Variants in RXFP2 observed in about 807,000 individuals in gnomAD.
RXFP2 encodes relaxin receptor 2.
A neutral mutation model predicts 88.6 loss-of-function variants in RXFP2; 68 were observed. That is an observed-to-expected ratio of 0.77 (90% CI 0.63 to 0.94). The LOEUF (loss-of-function observed/expected upper bound fraction) is 0.94. Among genes scored for constraint, RXFP2 ranks in the 40% least tolerant of loss-of-function variants. The pLI, the probability that RXFP2 is intolerant of heterozygous loss-of-function variation, is 0.00. For missense variants in RXFP2, 791 were observed against 893.9 expected, an observed-to-expected ratio of 0.88 and a Z score of 1.47; for synonymous variants, 329 against 306.8, an observed-to-expected ratio of 1.07 and a Z score of -0.76.
intron 2 of RXFP2, 69 bp downstream of exon 2, chr13:31,758,473 G>T: frequency 2.0e-6 from 3 of 1,535,500 alleles, no homozygotes; most frequent in Non-Finnish European, 9.0e-7. Context: ...GGGTCGGTTG[G>T]ATAATGATTG....
At position 31,781,731 on chromosome 13, in the gene RXFP2, G is replaced by T. The variant is rs761476587; in HGVS notation, c.846G>T (p.Ser282=). 1.4e-5 allele frequency: 22 copies of T among 1,608,392 alleles called. No homozygotes were observed. The South Asian group carries it at 2.0e-4, about 14-fold the overall frequency. ...LTNSTFLSCD[S]LTVLFLPRNQ... is the part of the protein sequence containing the mutation. ...ATTCTACGTTTCTGTCGTGCGATTC[G>T]CTCACAGTGCTGTAAGTATACAATG... is the stretch of plus-strand genomic sequence containing the variant. The change falls in exon 10 of 18, where the codon TCG becomes TCT. Residue 282 remains serine (S), a synonymous_variant. Coordinates refer to ENST00000298386, the MANE Select transcript of RXFP2 (RefSeq NM_130806.5).
chr13:31,785,550 C>T (rs1873495559), intron 11 of RXFP2, among the ~76,000 whole-genome samples: 2 of 151,200 alleles, frequency 1.3e-5, no homozygotes, highest in Admixed American at 6.6e-5. Context: ...TGATTGTTTC[C>T]TTGTTTGTAT....
intron 1 of RXFP2, among the ~76,000 whole-genome samples, chr13:31,742,612 G>C (rs1486507543): frequency 1.3e-5 from 2 of 152,136 alleles, no homozygotes; most frequent in Non-Finnish European, 2.9e-5. Context: ...TTACTCGTGT[G>C]TTCATCTTAC....
chr13:31,739,804 T>TA (rs139974858), intron 1 of RXFP2, 98 bp downstream of exon 1: 5,639 of 664,260 alleles, frequency 8.5e-3, no homozygotes, highest in Non-Finnish European at 9.3e-3. Context: ...TTGGGGTGTT[T>TA]AAAAAAAAAA....
chr13:31,799,226 A>T (rs1874209972), intron 17 of RXFP2, among the ~76,000 whole-genome samples: 1 of 151,902 alleles, frequency 6.6e-6, no homozygotes, highest in Non-Finnish European at 1.5e-5. Flanking sequence ...CTTCAAAAAA[A>T]AAAAAAATGG....
chr13:31,786,401 G>T lies in RXFP2; in HGVS notation c.948G>T (p.Thr316=). Residue 316 remains threonine (T), a synonymous_variant, in exon 12 of 18, where the codon ACG becomes ACT. Coordinates refer to ENST00000298386, the MANE Select transcript of RXFP2 (RefSeq NM_130806.5). The part of the protein sequence containing the change: ...NLGELDLSSN[T]ITELSPHLFK... Reference sequence around the variant, plus strand: ...TCAACAGGGATCTGTCTAGCAATACGATAACGGAACTATCACCTCACCTTT... The same window carrying T: ...TCAACAGGGATCTGTCTAGCAATACTATAACGGAACTATCACCTCACCTTT... 6.2e-7 allele frequency: 1 copy of T among 1,607,606 alleles called. No homozygotes were observed. Among genetic ancestry groups the T allele is most frequent in the Non-Finnish European group, 8.5e-7 (1 of 1,174,126 alleles).
At chr13:31,794,745 G>C (rs1457843232) in intron 16 of RXFP2, among the ~76,000 whole-genome samples, 1 of 152,164 alleles carries the variant, frequency 6.6e-6, no homozygotes, top group Non-Finnish European at 1.5e-5. Flanking sequence ...GGAAGACATA[G>C]TGGATTCCCA....
chr13:31,797,322 T>G lies in RXFP2; in HGVS notation c.1908T>G (p.Val636=). The G allele has an allele frequency of 6.2e-7, 1 of 1,614,140 alleles. No homozygotes were observed. The highest frequency in any genetic ancestry group is 8.5e-7 in the Non-Finnish European group (1 of 1,179,992). Residue 636 remains valine (V), a synonymous_variant, in exon 17 of 18, where the codon GTT becomes GTG. Coordinates refer to ENST00000298386, the MANE Select transcript of RXFP2 (RefSeq NM_130806.5). ...ATTGTTTTGGAAGAGAGGTGGCTGTTGCAAATCGTTTCTTTTTTATAGTGT... is the reference window on the plus strand; with the variant it reads ...ATTGTTTTGGAAGAGAGGTGGCTGTGGCAAATCGTTTCTTTTTTATAGTGT... ...VRNCFGREVA[V]ANRFFFIVFS... is the part of the protein sequence containing the mutation.
intron 11 of RXFP2, 150 bp from the exon 12 acceptor site, chr13:31,786,233 T>C: frequency 1.4e-6 from 1 of 709,058 alleles, no homozygotes; most frequent in South Asian, 1.5e-5. Context: ...GGCTGACTCA[T>C]ACGGCCCTGT....
chr13:31,794,348 G>C (rs1156692718), intron 16 of RXFP2, among the ~76,000 whole-genome samples: 2 of 144,390 alleles, frequency 1.4e-5, no homozygotes, highest in African/African-American at 5.2e-5. Context: ...ACTTAATAGA[G>C]ACTCTCCCTG....
At chr13:31,782,613 C>A in intron 10 of RXFP2, 63 bp from the exon 11 acceptor site, 1 of 1,204,390 alleles carries the variant, frequency 8.3e-7, no homozygotes, top group Non-Finnish European at 1.2e-6. Context: ...TGGCCTCTCC[C>A]AATGAGAACT....
chr13:31,744,402 C>T (rs1337343467), intron 1 of RXFP2, among the ~76,000 whole-genome samples: 1 of 152,054 alleles, frequency 6.6e-6, no homozygotes, highest in Non-Finnish European at 1.5e-5. Flanking sequence ...GGAACTTTGC[C>T]CCAGGTCAGT....
rs9549192 is a variant in RXFP2 at position 31,802,991 on chromosome 13, G to C, written c.*586G>C. On this transcript the variant is annotated 3_prime_UTR_variant, in exon 18 of 18. Coordinates refer to ENST00000298386, the MANE Select transcript of RXFP2 (RefSeq NM_130806.5). ...ACCATGTCTAACCTATGACCAGAGA[G>C]TCACACTGATGAAGCCTCATACCAT... 0.14 allele frequency: 22,116 copies of C among 154,184 alleles called. 1,574 individuals carry two copies. The highest frequency in any genetic ancestry group is 0.19 in the Middle Eastern group (57 of 296). 9.6% of individuals were successfully genotyped at this position (154,184 alleles called of 1,614,324 possible).
intron 1 of RXFP2, among the ~76,000 whole-genome samples, chr13:31,750,463 A>G (rs921346471): frequency 2.0e-5 from 3 of 152,174 alleles, no homozygotes; most frequent in Non-Finnish European, 4.4e-5. Context: ...AAACTAAAAC[A>G]TTAGTGACTT....
intron 8 of RXFP2, 120 bp from the exon 9 acceptor site, chr13:31,778,392 A>G (rs1327020351): frequency 3.5e-5 from 25 of 711,444 alleles, no homozygotes; most frequent in Admixed American, 2.3e-4. Flanking sequence ...ATAGCTATAT[A>G]TGTTATCATC....
Position 31,802,413 on chromosome 13 carries a change from T to C in RXFP2, c.*8T>C, listed in dbSNP as rs1393549331. The C allele has an allele frequency of 6.2e-7, 1 of 1,613,382 alleles. No individual in the cohort carries two copies. The highest frequency in any genetic ancestry group is 1.3e-5 in the African/African-American group (1 of 74,916). On this transcript the variant is annotated 3_prime_UTR_variant, in exon 18 of 18. Coordinates refer to ENST00000298386, the MANE Select transcript of RXFP2 (RefSeq NM_130806.5). ...ATGAAACCAGTTTCCTAGCAATCATTTTGGATCACTGGACTTTCAGTGGAC... is the reference window on the plus strand; with the variant it reads ...ATGAAACCAGTTTCCTAGCAATCATCTTGGATCACTGGACTTTCAGTGGAC...
At chr13:31,748,493 T>A (rs1871518235) in intron 1 of RXFP2, among the ~76,000 whole-genome samples, 1 of 152,230 alleles carries the variant, frequency 6.6e-6, no homozygotes, top group African/African-American at 2.4e-5. Context: ...TTAGATTTAA[T>A]ACCTTTTCAG....
In RXFP2 at chr13:31,758,417, C is replaced by G. The variant is rs1165338374; in HGVS notation, c.241+13C>G. On this transcript the variant is annotated intron_variant, in intron 2 of 17. Transcript: ENST00000298386. ...GAAGAGAACTGTGGTGAGTGCTCCC[C>G]TCGGCTCCCCATGTGTGCCTCACTT... 6.2e-7 allele frequency: 1 copy of G among 1,613,894 alleles called. No homozygotes were observed. The highest frequency in any genetic ancestry group is 8.5e-7 in the Non-Finnish European group (1 of 1,179,854).
chr13:31,771,846 G>A (rs757126678), intron 5 of RXFP2, among the ~76,000 whole-genome samples: 14 of 151,506 alleles, frequency 9.2e-5, no homozygotes, highest in Non-Finnish European at 1.8e-4. Flanking sequence ...CTACGAAACC[G>A]TGGGGACTGT....
Sources: allele counts gnomAD v4.1 joint callset (sites outside exome capture counted in the v4.1 genomes callset), GRCh38; gene constraint gnomAD v4.1.1; transcripts MANE v1.5; gene names NCBI Gene and HGNC (gene_info 2026-07-23, HGNC 2026-07-21).